ERCC6: variants seen among roughly 807,000 people sequenced by gnomAD.
The protein encoded by ERCC6 is ERCC excision repair 6, chromatin remodeling factor, also known as DNA excision repair protein ERCC-6.
ERCC6 carries 116 observed loss-of-function variants against 158.7 expected under a neutral mutation model. That is an observed-to-expected ratio of 0.73 (90% CI 0.63 to 0.85). The LOEUF is 0.85. Among genes scored for constraint, ERCC6 ranks in the 40% least tolerant of loss-of-function variants. The pLI, the probability that ERCC6 is intolerant of heterozygous loss-of-function variation, is 0.00. For synonymous variants in ERCC6, 678 were observed against 659.3 expected (o/e 1.03, Z -0.43); for missense variants, 1,698 against 1,799.4 (o/e 0.94, Z 1.02).
intron 5 of ERCC6, among the ~76,000 whole-genome samples, chr10:49,521,345 G>C (rs1232601838): frequency 1.3e-5 from 2 of 152,180 alleles, no homozygotes; most frequent in African/African-American, 4.8e-5. Flanking sequence ...CCTGTACTAG[G>C]TAAGCAGCAT....
intron 5 of ERCC6, among the ~76,000 whole-genome samples, chr10:49,514,291 T>A (rs1425482248): frequency 6.6e-6 from 1 of 152,202 alleles, no homozygotes; most frequent in Non-Finnish European, 1.5e-5. Flanking sequence ...AAAATCAGTT[T>A]AGCAGTTCTT....
downstream of ERCC6, among the ~76,000 whole-genome samples, chr10:49,450,964 A>C (rs1275251924): frequency 2.0e-5 from 3 of 152,000 alleles, no homozygotes; most frequent in Non-Finnish European, 2.9e-5. Context: ...GGCACCCGCC[A>C]CCACGCCTGG....
At chr10:49,510,638 G>A (rs1473502709) in intron 5 of ERCC6, among the ~76,000 whole-genome samples, 2 of 152,138 alleles carry the variant, frequency 1.3e-5, no homozygotes, top group Non-Finnish European at 2.9e-5. Flanking sequence ...AAGCCACCTG[G>A]GGACAAACAC....
rs1166175317 is a variant in ERCC6, at chr10:49,470,823, G to A, written c.3137C>T (p.Ala1046Val). The change falls in exon 18 of 21, where the codon GCA becomes GTA. Residue 1046 changes from alanine (A) to valine (V), a missense_variant. By Grantham distance (64) the Ala-to-Val change is moderately conservative. Transcript: ENST00000355832. ...CTTGCGTTTTGGAACATCATGGTCT[G>A]CTCCAAAGGCTGGTTGAATCCTTCT... ...LKRRIQPAFG[A>V]DHDVPKRKKF... 6.2e-7 allele frequency: 1 copy of A among 1,614,192 alleles called. No homozygotes were observed. The highest frequency in any genetic ancestry group is 8.5e-7 in the Non-Finnish European group (1 of 1,180,030).
Position 49,459,206 on chromosome 10 carries a change from T to C in ERCC6, c.4091A>G (p.Asp1364Gly). 6.2e-7 allele frequency: 1 copy of C among 1,614,216 alleles called. No homozygotes were observed. The highest frequency in any genetic ancestry group is 8.5e-7 in the Non-Finnish European group (1 of 1,180,044). The stretch of plus-strand genomic sequence containing the variant: ...TCCACTAAAATGCTCAGGGACATTA[T>C]CTTTTCCCTCCTTTTTCATGATGCC... ...QDGIMKKEGKDNVPEHFSGRA... is the reference protein window; with the variant it reads ...QDGIMKKEGKGNVPEHFSGRA... Residue 1364 changes from aspartate (D) to glycine (G), a missense_variant, in exon 21 of 21, where the codon GAT becomes GGT. Asp to Gly is a moderately conservative substitution (Grantham distance 94). Transcript: ENST00000355832.
intron 7 of ERCC6, among the ~76,000 whole-genome samples, chr10:49,496,282 G>C (rs1851264636): frequency 6.6e-6 from 1 of 152,158 alleles, no homozygotes; most frequent in African/African-American, 2.4e-5. Context: ...TACTGTAATT[G>C]TATGAGATCC....
chr10:49,461,948 T>A (rs1215531304), intron 18 of ERCC6, among the ~76,000 whole-genome samples: 1 of 152,224 alleles, frequency 6.6e-6, no homozygotes, highest in East Asian at 1.9e-4. Flanking sequence ...CCCTTGCATT[T>A]GAGTAGAATG....
chr10:49,534,325 A>C (rs1837546497), intron 1 of ERCC6, among the ~76,000 whole-genome samples: 1 of 152,216 alleles, frequency 6.6e-6, no homozygotes, highest in African/African-American at 2.4e-5. Context: ...ACTTAGCAAT[A>C]TCTATTAAAT....
chr10:49,440,791 C>CG, the ERCC6 span, among the ~76,000 whole-genome samples: 90 of 152,070 alleles, frequency 5.9e-4, no homozygotes, highest in African/African-American at 2.1e-3. Flanking sequence ...AGCAGCCAGG[C>CG]GGGGGTTACA....
chr10:49,494,751 G>C (rs1210819078), intron 7 of ERCC6, among the ~76,000 whole-genome samples: 1 of 152,210 alleles, frequency 6.6e-6, no homozygotes, highest in Admixed American at 6.5e-5. Context: ...GGTTGGGAGA[G>C]ACTTTTCTCT....
Position 49,482,854 on chromosome 10 carries a change from G to A in ERCC6, c.2002C>T (p.Pro668Ser). The A allele has an allele frequency of 1.2e-6, 2 of 1,613,914 alleles. No homozygotes were observed. The highest frequency in any genetic ancestry group is 1.7e-6 in the Non-Finnish European group (2 of 1,179,946). The change falls in exon 10 of 21, where the codon CCT becomes TCT. Residue 668 changes from proline (P) to serine (S), a missense_variant. Pro to Ser is a moderately conservative substitution (Grantham distance 74). Transcript: ENST00000355832. ...GAGCCAGACAGAATGATCCGATGAG[G>A]GGTGCGAAACTATTTGAGGAAAGGA... ...VTLACKQFRT[P>S]HRIILSGSPM...
chr10:49,449,309 T>G (rs765751459), downstream of ERCC6, among the ~76,000 whole-genome samples: 12 of 152,218 alleles, frequency 7.9e-5, no homozygotes, highest in Non-Finnish European at 1.3e-4. Flanking sequence ...TTGTCCATTT[T>G]TAAAGTTATT....
At position 49,513,305 on chromosome 10, in the gene ERCC6, A is replaced by G. The variant is rs575442315; in HGVS notation, c.1398-7293T>C. Reference sequence around the variant, plus strand: ...TAAGGAAAGTCAGCTAGCTCTGGACAAGTTTTGTTTTGAGATTACATATAC... The same window carrying G: ...TAAGGAAAGTCAGCTAGCTCTGGACGAGTTTTGTTTTGAGATTACATATAC... On this transcript the variant is annotated intron_variant, in intron 5 of 20. Transcript: ENST00000355832. Among the ~76,000 whole-genome samples the G allele has an allele frequency of 5.9e-5, 9 of 152,268 alleles. No individual in the cohort carries two copies. In the South Asian group the frequency reaches 1.9e-3, roughly 32 times the overall value.
chr10:49,523,381 T>C (rs754266606), intron 5 of ERCC6, among the ~76,000 whole-genome samples: 3 of 152,224 alleles, frequency 2.0e-5, no homozygotes, highest in Non-Finnish European at 4.4e-5. Flanking sequence ...TTCCCTTTTA[T>C]GGTGCTTGCT....
chr10:49,485,534 T>C (rs1851061979), intron 8 of ERCC6, among the ~76,000 whole-genome samples: 2 of 152,332 alleles, frequency 1.3e-5, no homozygotes, highest in South Asian at 2.1e-4. Context: ...TAAATGTTAC[T>C]GTAATTCCTG....
intron 11 of ERCC6, among the ~76,000 whole-genome samples, 153 bp from the exon 12 acceptor site, chr10:49,476,463 A>G (rs1394531392): frequency 6.6e-6 from 1 of 152,120 alleles, no homozygotes; most frequent in African/African-American, 2.4e-5. Flanking sequence ...AAGGGTGACA[A>G]TACTTCTCAC....
chr10:49,475,588 T>C, intron 12 of ERCC6: 1 of 270,474 alleles, frequency 3.7e-6, no homozygotes, highest in Admixed American at 4.4e-5. Context: ...ATTTATACAA[T>C]AGAGTCTTTT....
At chr10:49,469,657 T>C (rs572221090) in intron 18 of ERCC6, among the ~76,000 whole-genome samples, 26 of 152,302 alleles carry the variant, frequency 1.7e-4, no homozygotes, top group Non-Finnish European at 2.8e-4. Context: ...GGCCATCACA[T>C]TGTGAACACA....
chr10:49,513,646 G>A (rs942997210), intron 5 of ERCC6, among the ~76,000 whole-genome samples: 2 of 152,134 alleles, frequency 1.3e-5, no homozygotes, highest in Admixed American at 6.5e-5. Flanking sequence ...GGAAGTGAGT[G>A]CAAGCACAGG....
Sources: allele counts gnomAD v4.1 joint callset (sites outside exome capture counted in the v4.1 genomes callset), GRCh38; gene constraint gnomAD v4.1.1; transcripts MANE v1.5; gene names NCBI Gene and HGNC (gene_info 2026-07-23, HGNC 2026-07-21).